TXLNB: variants seen among roughly 807,000 people sequenced by gnomAD.
The protein encoded by TXLNB is taxilin beta.
In TXLNB, 37 loss-of-function variants were observed where a neutral mutation model predicts 57.4. The observed-to-expected ratio is 0.64, with a 90% CI of 0.50 to 0.85. The LOEUF is 0.85. TXLNB is among the 40% of genes least tolerant of loss of function. TXLNB has a pLI of 0.00. For synonymous variants in TXLNB, 302 were observed against 309.6 expected (o/e 0.98, Z 0.26); for missense variants, 848 against 825.6 (o/e 1.03, Z -0.33).
At chr6:139,217,881 A>AG in the TXLNB span, among the ~76,000 whole-genome samples, 2,120 of 151,280 alleles carry the variant, frequency 0.014, 41 homozygotes, top group African/African-American at 0.045. Context: ...AAAAAAAAAA[A>AG]AAAAAAGAAA....
rs150821958 is a variant in TXLNB, at chr6:139,274,718, C to T, written c.516+2112G>A. Among the ~76,000 whole-genome samples the T allele has an allele frequency of 6.1e-3, 925 of 152,140 alleles. 27 individuals carry two copies. Among genetic ancestry groups the T allele is most frequent in the Admixed American group, 0.013 (192 of 15,282 alleles). ...AAGTGATGCTTCCCCAGTGCACTGT[C>T]GTGGGAATGTAACACCACACATCAC... On this transcript the variant is annotated intron_variant, in intron 3 of 9. Transcript: ENST00000358430.
At chr6:139,256,569 C>G (rs575335843) in intron 6 of TXLNB, among the ~76,000 whole-genome samples, 158 of 152,380 alleles carry the variant, frequency 1.0e-3, no homozygotes, top group African/African-American at 3.4e-3. Flanking sequence ...ACCTCGTGAT[C>G]TGCCCGCCTC....
At chr6:139,213,291 T>A in the TXLNB span, among the ~76,000 whole-genome samples, 2 of 152,206 alleles carry the variant, frequency 1.3e-5, no homozygotes, top group Admixed American at 6.5e-5. Flanking sequence ...CGGACCACAG[T>A]GCAATCAAAC....
intron 4 of TXLNB, among the ~76,000 whole-genome samples, chr6:139,263,737 C>T (rs1484772061): frequency 1.3e-5 from 2 of 152,098 alleles, no homozygotes; most frequent in Admixed American, 1.3e-4. Context: ...AAGATAGAGA[C>T]ATTTACGTGG....
the TXLNB span, among the ~76,000 whole-genome samples, chr6:139,223,042 C>T: frequency 6.6e-6 from 1 of 152,110 alleles, no homozygotes; most frequent in African/African-American, 2.4e-5. Context: ...CAACTGCAGG[C>T]GGAACATTTA....
chr6:139,290,989 A>T (rs1332992835), intron 1 of TXLNB, among the ~76,000 whole-genome samples: 1 of 152,236 alleles, frequency 6.6e-6, no homozygotes, highest in Non-Finnish European at 1.5e-5. Flanking sequence ...ACTTAGAGGA[A>T]GTACTTTTTT....
At chr6:139,170,394 T>G in the TXLNB span, 2 of 152,202 alleles carry the variant, frequency 1.3e-5, no homozygotes, top group African/African-American at 4.8e-5. Context: ...AGTTCTAGTA[T>G]CATACCTGGA....
chr6:139,234,755 C>A, the TXLNB span, among the ~76,000 whole-genome samples: 1 of 152,256 alleles, frequency 6.6e-6, no homozygotes, highest in South Asian at 2.1e-4. Flanking sequence ...AGAGTCCCCA[C>A]TGAGACACCG....
chr6:139,250,592 G>A (rs1343461024), intron 7 of TXLNB, among the ~76,000 whole-genome samples: 1 of 151,778 alleles, frequency 6.6e-6, no homozygotes, highest in Non-Finnish European at 1.5e-5. Flanking sequence ...TTCTCAGCCC[G>A]GCCTCTTTTG....
the TXLNB span, among the ~76,000 whole-genome samples, chr6:139,309,165 C>G: frequency 6.6e-6 from 1 of 152,168 alleles, no homozygotes; most frequent in African/African-American, 2.4e-5. Flanking sequence ...TGGAGAGTTT[C>G]CAGCAGCCCC....
At chr6:139,209,424 T>A in the TXLNB span, among the ~76,000 whole-genome samples, 2 of 152,046 alleles carry the variant, frequency 1.3e-5, no homozygotes, top group Non-Finnish European at 2.9e-5. Flanking sequence ...TCATCCTACT[T>A]CACAGAACTA....
the TXLNB span, chr6:139,198,012 A>G: frequency 6.6e-6 from 1 of 152,278 alleles, no homozygotes; most frequent in Non-Finnish European, 1.5e-5. Flanking sequence ...ACACTGGCCA[A>G]GTAAATTTCA....
the TXLNB span, among the ~76,000 whole-genome samples, chr6:139,164,067 A>AAC: frequency 9.3e-5 from 11 of 118,134 alleles, no homozygotes; most frequent in South Asian, 2.5e-4. Context: ...CACACACACA[A>AAC]ACACACACAC....
chr6:139,268,229 T>C (rs1185828480), intron 4 of TXLNB, among the ~76,000 whole-genome samples: 1 of 147,388 alleles, frequency 6.8e-6, no homozygotes, highest in East Asian at 2.0e-4. Flanking sequence ...GAGGACATAA[T>C]AATCATAAAT....
chr6:139,174,445 T>G, the TXLNB span: 1 of 1,614,028 alleles, frequency 6.2e-7, no homozygotes, highest in African/African-American at 1.3e-5. Context: ...CACAAGATCA[T>G]CTGCATCAAG....
At chr6:139,197,142 C>T in the TXLNB span, among the ~76,000 whole-genome samples, 1 of 152,190 alleles carries the variant, frequency 6.6e-6, no homozygotes, top group Non-Finnish European at 1.5e-5. Context: ...CTTCAGTTAT[C>T]TCTAGATCAC....
chr6:139,182,970 A>G, the TXLNB span: 1 of 152,210 alleles, frequency 6.6e-6, no homozygotes, highest in South Asian at 2.1e-4. Context: ...AAAAATTTAG[A>G]TATCTAAATC....
the TXLNB span, among the ~76,000 whole-genome samples, chr6:139,184,610 AT>A: frequency 2.4e-5 from 2 of 81,858 alleles, no homozygotes; most frequent in South Asian, 6.4e-4. Flanking sequence ...TACACCACGA[AT>A]TCATCATTTT....
the TXLNB span, among the ~76,000 whole-genome samples, chr6:139,188,715 A>ATT: frequency 6.6e-6 from 1 of 152,160 alleles, no homozygotes; most frequent in Non-Finnish European, 1.5e-5. Flanking sequence ...TTTTTGAAAA[A>ATT]TTGTGTTGGA....
Sources: gnomAD v4.1 joint callset for allele counts (sites outside exome capture counted in the v4.1 genomes callset) on GRCh38, gnomAD v4.1.1 for gene constraint, MANE v1.5 for transcripts, NCBI Gene and HGNC (gene_info 2026-07-23, HGNC 2026-07-21) for gene names.